The following CHD7 variants were observed in gnomAD, a reference collection of about 807,000 sequenced individuals.
CHD7 encodes the protein ATP-dependent chromatin remodeler CHD7.
CHD7 carries 24 observed loss-of-function variants against 307.3 expected under a neutral mutation model. The ratio of observed to expected loss-of-function variants is 0.08; its 90% CI spans 0.06 to 0.11. CHD7 has a LOEUF of 0.11. Among genes scored for constraint, CHD7 ranks in the 10% least tolerant of loss-of-function variants. CHD7 has a pLI of 1.00. For synonymous variants in CHD7, 1,363 were observed against 1,349.9 expected (o/e 1.01, Z -0.21); for missense variants, 3,106 against 3,727.1 (o/e 0.83, Z 4.34).
At chr8:60,765,225 ACACACG>A (rs1009113179) in intron 2 of CHD7, among the ~76,000 whole-genome samples, 20 of 151,286 alleles carry the variant, frequency 1.3e-4, no homozygotes, top group African/African-American at 4.9e-4. Context: ...ACACACACAC[ACACACG>A]CACACGCATG....
At chr8:60,815,177 A>G (rs975627511) in intron 7 of CHD7, among the ~76,000 whole-genome samples, 9 of 152,252 alleles carry the variant, frequency 5.9e-5, no homozygotes, top group Middle Eastern at 3.2e-3. Context: ...AATGAGTCCT[A>G]TCTTTGCAAA....
At chr8:60,722,306 C>A (rs1451353712) in intron 1 of CHD7, among the ~76,000 whole-genome samples, 1 of 152,194 alleles carries the variant, frequency 6.6e-6, no homozygotes, top group East Asian at 1.9e-4. Context: ...TCTAGTTCTA[C>A]TCCATGGGTA....
chr8:60,833,571 A>T (rs529650452), intron 15 of CHD7, among the ~76,000 whole-genome samples: 2 of 152,202 alleles, frequency 1.3e-5, no homozygotes, highest in African/African-American at 4.8e-5. Context: ...TGGCTTTTAT[A>T]TAGCTAGAGG....
intron 3 of CHD7, among the ~76,000 whole-genome samples, chr8:60,782,133 C>A (rs946404993): frequency 1.3e-5 from 2 of 152,192 alleles, no homozygotes; most frequent in African/African-American, 4.8e-5. Flanking sequence ...ATGTTTCTTA[C>A]AACTGTTCTG....
chr8:60,775,083 G>A (rs533242504), intron 2 of CHD7, among the ~76,000 whole-genome samples: 1 of 152,088 alleles, frequency 6.6e-6, no homozygotes, highest in South Asian at 2.1e-4. Context: ...AGCCATTTAA[G>A]ATTTTGTTTA....
chr8:60,861,380 T>A (rs766012735), intron 35 of CHD7: 34 of 393,930 alleles, frequency 8.6e-5, no homozygotes, highest in Non-Finnish European at 1.2e-4. Context: ...GCTTCTCCCA[T>A]CAAACTCATG....
chr8:60,722,643 C>T (rs891361454), intron 1 of CHD7, among the ~76,000 whole-genome samples: 7 of 152,146 alleles, frequency 4.6e-5, no homozygotes, highest in African/African-American at 9.7e-5. Flanking sequence ...ATATAAATAG[C>T]GTAACTTTTG....
chr8:60,687,134 G>C (rs192138504), intron 1 of CHD7, among the ~76,000 whole-genome samples: 1 of 152,274 alleles, frequency 6.6e-6, no homozygotes, highest in East Asian at 1.9e-4. Context: ...ATTAGCAAAT[G>C]TGCATATTAT....
intron 2 of CHD7, among the ~76,000 whole-genome samples, chr8:60,777,968 A>G (rs1356934120): frequency 3.3e-5 from 5 of 152,174 alleles, no homozygotes; most frequent in Non-Finnish European, 7.3e-5. Flanking sequence ...GGTTTTAGGA[A>G]TGCCCTACAT....
chr8:60,809,189 G>A (rs1812676997), intron 7 of CHD7, among the ~76,000 whole-genome samples: 1 of 152,158 alleles, frequency 6.6e-6, no homozygotes, highest in South Asian at 2.1e-4. Context: ...ATGCACTTCT[G>A]AAGAAGTTGT....
chr8:60,727,283 C>G lies in CHD7; in HGVS notation c.-174-13976C>G, dbSNP rs145089464. On this transcript the variant is annotated intron_variant, in intron 1 of 37. Transcript: ENST00000423902. ...CTGGGACTACAGGCATTTGCCACCC[C>G]TGCCCGGCTAATTTTTGTATTTTTA... is the stretch of plus-strand genomic sequence containing the variant. 7.9e-3 allele frequency among the ~76,000 whole-genome samples: 1,204 copies of G among 152,174 alleles called. 9 individuals are homozygous for G. Among genetic ancestry groups the G allele is most frequent in the Non-Finnish European group, 0.013 (908 of 67,996 alleles).
chr8:60,777,028 T>C (rs1810985125), intron 2 of CHD7, among the ~76,000 whole-genome samples: 1 of 152,248 alleles, frequency 6.6e-6, no homozygotes, highest in African/African-American at 2.4e-5. Flanking sequence ...GGGACTTAAT[T>C]GGCCTGCCTC....
In CHD7 at chr8:60,856,542, T is replaced by C. The variant is rs1434214027; in HGVS notation, c.7262T>C (p.Met2421Thr). The change falls in exon 34 of 38, where the codon ATG becomes ACG. Residue 2421 changes from methionine (M) to threonine (T), a missense_variant. By Grantham distance (81) the Met-to-Thr change is moderately conservative (BLOSUM62 -1). Coordinates refer to ENST00000423902, the MANE Select transcript of CHD7 (RefSeq NM_017780.4). ...AERAAKRRNL[M>T]EMVAQLRESQ... is the part of the protein sequence containing the mutation. The stretch of plus-strand genomic sequence containing the variant: ...AGAGCTGCCAAGAGGCGAAATCTCA[T>C]GGAGATGGTTGCCCAGCTTCGAGAG... 7 of 1,613,802 alleles carry C rather than the reference T, an allele frequency of 4.3e-6. No individual in the cohort carries two copies. The East Asian group carries it at 8.9e-5, about 21-fold the overall frequency.
intron 21 of CHD7, among the ~76,000 whole-genome samples, chr8:60,842,641 T>C (rs1391627351): frequency 6.6e-6 from 1 of 152,146 alleles, no homozygotes; most frequent in East Asian, 1.9e-4. Context: ...AATATCTGAA[T>C]TGGTCAATAA....
chr8:60,848,681 C>T (rs2150800831), intron 24 of CHD7, 77 bp downstream of exon 24: 1 of 1,151,366 alleles, frequency 8.7e-7, no homozygotes, highest in Non-Finnish European at 1.3e-6. Context: ...GATTGTGTTT[C>T]AGAACCTTCA....
At chr8:60,782,498 T>C (rs1811300318) in intron 3 of CHD7, among the ~76,000 whole-genome samples, 1 of 152,238 alleles carries the variant, frequency 6.6e-6, no homozygotes, top group African/African-American at 2.4e-5. Context: ...CCAAATACAT[T>C]ATTATGTGAT....
rs79111434 is a variant in CHD7 at position 60,810,931 on chromosome 8, C to G, written c.2498+2659C>G. 2.6e-4 allele frequency among the ~76,000 whole-genome samples: 40 copies of G among 152,296 alleles called. 1 individual carries two copies. The East Asian group carries it at 7.7e-3, about 29-fold the overall frequency. On this transcript the variant is annotated intron_variant, in intron 7 of 37. Coordinates refer to ENST00000423902, the MANE Select transcript of CHD7 (RefSeq NM_017780.4). The stretch of plus-strand genomic sequence containing the variant: ...TTACCACCTGAGCTCTGCCTCTTGT[C>G]AGATCAGCGTAACATTAGTTTCTCA...
At chr8:60,692,970 G>C (rs150265752) in intron 1 of CHD7, among the ~76,000 whole-genome samples, 5 of 152,094 alleles carry the variant, frequency 3.3e-5, no homozygotes, top group Non-Finnish European at 7.4e-5. Flanking sequence ...TGTTTAAACC[G>C]AAGTCATCAT....
In CHD7 at chr8:60,849,153, T is replaced by C. The variant is rs1187768277; in HGVS notation, c.5403T>C (p.His1801=). 5 of 1,597,398 alleles carry C rather than the reference T, an allele frequency of 3.1e-6. No individual in the cohort carries two copies. The highest frequency in any genetic ancestry group is 2.2e-5 in the East Asian group (1 of 44,754). The part of the protein sequence containing the change: ...DKSLLIGVFK[H]GYEKYNSMRA... ...CCCTCTTAATTGGAGTGTTCAAACA[T>C]GGTAAGTGACGTTTCTGTTTGAATA... The change falls in exon 25 of 38, where the codon CAT becomes CAC. Residue 1801 remains histidine, a splice_region_variant and synonymous_variant. Transcript: ENST00000423902.
Sources: gnomAD v4.1 joint callset for allele counts (sites outside exome capture counted in the v4.1 genomes callset) on GRCh38, gnomAD v4.1.1 for gene constraint, MANE v1.5 for transcripts, NCBI Gene and HGNC (gene_info 2026-07-23, HGNC 2026-07-21) for gene names.